TAMM41: variants seen among roughly 807,000 people sequenced by gnomAD.
TAMM41 encodes phosphatidate cytidylyltransferase, mitochondrial.
TAMM41 carries 36 observed loss-of-function variants against 44.1 expected under a neutral mutation model. That is an observed-to-expected ratio of 0.82 (90% CI 0.63 to 1.08). The LOEUF is 1.08. Among genes scored for constraint, TAMM41 ranks in the 50% least tolerant of loss-of-function variants. The pLI, the probability that TAMM41 is intolerant of heterozygous loss-of-function variation, is 0.00. For synonymous variants in TAMM41, 164 were observed against 153.1 expected, an observed-to-expected ratio of 1.07 and a Z score of -0.53; for missense variants, 417 against 404.3, an observed-to-expected ratio of 1.03 and a Z score of -0.27.
chr3:11,827,019 G>GACT (rs1238798495), intron 4 of TAMM41, among the ~76,000 whole-genome samples: 1 of 152,088 alleles, frequency 6.6e-6, no homozygotes, highest in African/African-American at 2.4e-5. Flanking sequence ...TTTTTCACAC[G>GACT]TGTTGTTTTT....
the TAMM41 span, among the ~76,000 whole-genome samples, chr3:11,739,874 T>G: frequency 6.6e-6 from 1 of 151,972 alleles, no homozygotes; most frequent in Non-Finnish European, 1.5e-5. Context: ...AACAACGCAG[T>G]CTCAGGGGCA....
the TAMM41 span, among the ~76,000 whole-genome samples, chr3:11,770,875 C>A: frequency 6.6e-6 from 1 of 152,168 alleles, no homozygotes; most frequent in Non-Finnish European, 1.5e-5. Context: ...CTGTCTCCCC[C>A]TAGTCCCAGG....
chr3:11,780,193 A>G, the TAMM41 span, among the ~76,000 whole-genome samples: 1 of 152,220 alleles, frequency 6.6e-6, no homozygotes, highest in Admixed American at 6.5e-5. Flanking sequence ...CAATGAACAG[A>G]CTAACAAGAA....
At chr3:11,812,022 G>C (rs2124966483) in intron 5 of TAMM41, among the ~76,000 whole-genome samples, 1 of 152,256 alleles carries the variant, frequency 6.6e-6, no homozygotes, top group South Asian at 2.1e-4. Context: ...CCATCTCCTA[G>C]GCTCAAGTGA....
At chr3:11,806,242 A>T (rs2077906242) in intron 7 of TAMM41, among the ~76,000 whole-genome samples, 1 of 152,218 alleles carries the variant, frequency 6.6e-6, no homozygotes, top group Non-Finnish European at 1.5e-5. Flanking sequence ...GGCACATGAG[A>T]GATGCTCAAT....
chr3:11,843,986 T>C (rs779971972), intron 2 of TAMM41, 43 bp downstream of exon 2: 1 of 1,596,378 alleles, frequency 6.3e-7, no homozygotes, highest in Admixed American at 1.7e-5. Flanking sequence ...ATAACCCAGG[T>C]AAATAACCAG....
the TAMM41 span, among the ~76,000 whole-genome samples, chr3:11,728,165 A>C: frequency 9.9e-5 from 15 of 152,264 alleles, no homozygotes; most frequent in Admixed American, 7.2e-4. Flanking sequence ...TGTAGGTTTT[A>C]TTTTTCCTGC....
In TAMM41 at chr3:11,843,902, C is replaced by T. The variant is rs952847909; in HGVS notation, c.318+127G>A. 49 of 943,720 alleles carry T rather than the reference C, an allele frequency of 5.2e-5. 1 individual carries two copies. Among genetic ancestry groups the T allele is most frequent in the African/African-American group, 6.7e-5 (4 of 60,132 alleles). The allele number at this position is 943,720 out of a possible 1,614,324, so 58.5% of individuals were successfully genotyped here. On this transcript the variant is annotated intron_variant, in intron 2 of 7. Coordinates refer to ENST00000455809, the MANE Select transcript of TAMM41 (RefSeq NM_001284401.2). Reference sequence around the variant, plus strand: ...ATACTATAAAAACATACATATTTCCCGACTATAACAACGTCCAGCAGGAGT... The same window carrying T: ...ATACTATAAAAACATACATATTTCCTGACTATAACAACGTCCAGCAGGAGT...
At chr3:11,747,259 C>T in the TAMM41 span, among the ~76,000 whole-genome samples, 34 of 151,844 alleles carry the variant, frequency 2.2e-4, 1 homozygote, top group Admixed American at 1.3e-4. Context: ...GACGGGGTTT[C>T]GCCATGTTGG....
At chr3:11,822,664 C>G (rs563653097) in intron 4 of TAMM41, among the ~76,000 whole-genome samples, 1 of 152,170 alleles carries the variant, frequency 6.6e-6, no homozygotes, top group Non-Finnish European at 1.5e-5. Context: ...GTTATTTTTA[C>G]GACCTTAGCA....
At chr3:11,784,800 T>G in the TAMM41 span, among the ~76,000 whole-genome samples, 14 of 129,570 alleles carry the variant, frequency 1.1e-4, no homozygotes, top group Non-Finnish European at 1.9e-4. Flanking sequence ...TCTTTTCTTT[T>G]TTTTTTTTTT....
intron 3 of TAMM41, chr3:11,833,068 G>A (rs1421071465): frequency 3.2e-6 from 4 of 1,242,790 alleles, no homozygotes; most frequent in Non-Finnish European, 4.2e-6. Flanking sequence ...AATGAAAGGT[G>A]AACTAGGAAC....
chr3:11,798,910 T>C (rs1359023970), intron 7 of TAMM41, among the ~76,000 whole-genome samples: 2 of 152,164 alleles, frequency 1.3e-5, no homozygotes, highest in Non-Finnish European at 2.9e-5. Flanking sequence ...GATGCCTTAA[T>C]ATATCTTAAA....
intron 7 of TAMM41, among the ~76,000 whole-genome samples, chr3:11,803,989 A>G (rs922349533): frequency 1.1e-4 from 17 of 152,192 alleles, no homozygotes; most frequent in African/African-American, 4.1e-4. Flanking sequence ...AATATTCACT[A>G]TTTGGGTGAT....
At chr3:11,812,649 CAATT>C (rs2078125589) in intron 5 of TAMM41, among the ~76,000 whole-genome samples, 4 of 152,266 alleles carry the variant, frequency 2.6e-5, no homozygotes, top group East Asian at 3.9e-4. Flanking sequence ...GACTGCCACC[CAATT>C]AATTTAGAAT....
At chr3:11,725,501 C>T in the TAMM41 span, among the ~76,000 whole-genome samples, 4 of 149,714 alleles carry the variant, frequency 2.7e-5, no homozygotes, top group Non-Finnish European at 5.9e-5. Context: ...TGAAGTGGTA[C>T]AATCTCAGCT....
the TAMM41 span, among the ~76,000 whole-genome samples, chr3:11,757,620 G>C: frequency 6.6e-6 from 1 of 152,152 alleles, no homozygotes; most frequent in Non-Finnish European, 1.5e-5. Context: ...TTTATTCCTC[G>C]CGTGGATATC....
chr3:11,729,505 C>T, the TAMM41 span, among the ~76,000 whole-genome samples: 2 of 86,732 alleles, frequency 2.3e-5, no homozygotes, highest in Non-Finnish European at 4.9e-5. Flanking sequence ...CTGTCTTTTT[C>T]TTTCTTTCTT....
rs780474218 is a variant in TAMM41, at chr3:11,790,478, A to G, written c.*27T>C. On this transcript the variant is annotated 3_prime_UTR_variant, in exon 8 of 8. Transcript: ENST00000455809. ...AGGATCAAACACTTTATTCATCTAC[A>G]CATAACATATATAAAAGCAAGCAAA... The G allele has an allele frequency of 1.9e-6, 3 of 1,588,190 alleles. No homozygotes were observed. The highest frequency in any genetic ancestry group is 2.2e-5 in the South Asian group (2 of 90,516).
Sources: allele counts gnomAD v4.1 joint callset (sites outside exome capture counted in the v4.1 genomes callset), GRCh38; gene constraint gnomAD v4.1.1; transcripts MANE v1.5; gene names NCBI Gene and HGNC (gene_info 2026-07-23, HGNC 2026-07-21).